Variants in DEPDC1B observed in about 807,000 individuals in gnomAD.
The protein encoded by DEPDC1B is DEP domain-containing protein 1B.
DEPDC1B carries 51 observed loss-of-function variants against 66.5 expected under a neutral mutation model. The observed-to-expected ratio is 0.77, with a 90% confidence interval of 0.61 to 0.97. The LOEUF (loss-of-function observed/expected upper bound fraction) is 0.97. Among genes scored for constraint, DEPDC1B ranks in the 50% least tolerant of loss-of-function variants. The probability of loss-of-function intolerance (pLI) is 0.00; values close to 1 mark genes in which losing one functional copy is unlikely to be tolerated. For missense variants in DEPDC1B, 552 were observed against 637.1 expected (o/e 0.87, Z 1.44); for synonymous variants, 226 against 223.6 (o/e 1.01, Z -0.10).
chr5:60,636,887 T>C, intron 7 of DEPDC1B, among the ~76,000 whole-genome samples: 1 of 152,110 alleles, frequency 6.6e-6, no homozygotes, highest in Middle Eastern at 3.2e-3. Context: ...AAAGATGATA[T>C]ATTAGAGGGC....
chr5:60,611,853 T>C (rs1490412679), intron 7 of DEPDC1B, among the ~76,000 whole-genome samples: 1 of 152,218 alleles, frequency 6.6e-6, no homozygotes, highest in African/African-American at 2.4e-5. Flanking sequence ...CAGCAAGGGT[T>C]AATGTAGAAG....
chr5:60,651,436 G>A (rs927417937), intron 2 of DEPDC1B, among the ~76,000 whole-genome samples: 3 of 151,748 alleles, frequency 2.0e-5, no homozygotes, highest in South Asian at 2.1e-4. Flanking sequence ...GCAAAGACAG[G>A]AGAATTGCCT....
At chr5:60,610,680 A>G (rs1442522580) in intron 7 of DEPDC1B, among the ~76,000 whole-genome samples, 2 of 152,230 alleles carry the variant, frequency 1.3e-5, no homozygotes, top group East Asian at 1.9e-4. Context: ...CATCATCCAC[A>G]TATTATGTTT....
Position 60,687,151 on chromosome 5 carries a change from T to A in DEPDC1B, c.125A>T (p.His42Leu). The change falls in exon 2 of 11, where the codon CAT (histidine) becomes CTT (leucine). Residue 42 changes from histidine (H) to leucine (L), a missense_variant. His to Leu is a moderately conservative substitution (Grantham distance 99). Transcript: ENST00000265036. ...CACAGCTTCGGCCGCTGTGAAACAA[T>A]GCTCATAGCTCTTGAAACGACAGCG... ...KHRCRFKSYE[H>L]CFTAAEAVDW... is the part of the protein sequence containing the mutation. 6.2e-7 allele frequency: 1 copy of A among 1,614,172 alleles called. No homozygotes were observed. The highest frequency in any genetic ancestry group is 8.5e-7 in the Non-Finnish European group (1 of 1,180,006).
At chr5:60,669,362 T>C (rs890805968) in intron 2 of DEPDC1B, among the ~76,000 whole-genome samples, 3 of 152,184 alleles carry the variant, frequency 2.0e-5, no homozygotes, top group Non-Finnish European at 4.4e-5. Context: ...TTGGCCAGCC[T>C]GCCTCCTTGC....
intron 8 of DEPDC1B, among the ~76,000 whole-genome samples, chr5:60,604,762 G>T (rs1434252063): frequency 6.6e-6 from 1 of 152,058 alleles, no homozygotes; most frequent in Non-Finnish European, 1.5e-5. Context: ...CTCTGTGATC[G>T]CCTTGAAACT....
rs551961890 is a variant in DEPDC1B, at chr5:60,625,964, T to G, written c.898+12786A>C. On this transcript the variant is annotated intron_variant, in intron 7 of 10. Transcript: ENST00000265036. ...GAGATACTATATTCTTTTTAACTCC[T>G]AAAGTCAAATTTAGTTATTTTTTCT... Among the ~76,000 whole-genome samples the G allele has an allele frequency of 3.3e-5, 5 of 152,298 alleles. No homozygotes were observed. The East Asian group carries it at 9.6e-4, about 29-fold the overall frequency.
chr5:60,676,026 C>T (rs1405877754), intron 2 of DEPDC1B, among the ~76,000 whole-genome samples: 2 of 151,510 alleles, frequency 1.3e-5, no homozygotes, highest in Non-Finnish European at 2.9e-5. Context: ...TTCCTGGGTT[C>T]ATGCCATTCT....
chr5:60,679,314 A>G (rs1281879516), intron 2 of DEPDC1B, among the ~76,000 whole-genome samples: 1 of 152,232 alleles, frequency 6.6e-6, no homozygotes, highest in Non-Finnish European at 1.5e-5. Context: ...ATACTAAGCC[A>G]TAAAACTGGG....
At chr5:60,602,173 A>G (rs1729316129) in intron 9 of DEPDC1B, among the ~76,000 whole-genome samples, 1 of 133,586 alleles carries the variant, frequency 7.5e-6, no homozygotes, top group South Asian at 2.8e-4. Context: ...GAGGGAAGGA[A>G]GGAAGGGAGG....
chr5:60,622,822 A>G (rs1584038755), intron 7 of DEPDC1B, among the ~76,000 whole-genome samples: 1 of 152,086 alleles, frequency 6.6e-6, no homozygotes, highest in East Asian at 1.9e-4. Flanking sequence ...TGAGTATTTC[A>G]TATATATTCT....
chr5:60,599,025 TA>T, intron 10 of DEPDC1B, 49 bp downstream of exon 10: 1 of 1,384,694 alleles, frequency 7.2e-7, no homozygotes, highest in Non-Finnish European at 9.7e-7. Flanking sequence ...AAAAAAAACA[TA>T]AAAACAGTAG....
chr5:60,612,994 C>T (rs1209974971), intron 7 of DEPDC1B, among the ~76,000 whole-genome samples: 3 of 152,200 alleles, frequency 2.0e-5, no homozygotes, highest in Non-Finnish European at 2.9e-5. Flanking sequence ...CACACAGGAG[C>T]AACATGCTAC....
At chr5:60,603,249 T>C in intron 9 of DEPDC1B, 142 bp downstream of exon 9, 2 of 649,322 alleles carry the variant, frequency 3.1e-6, no homozygotes, top group Non-Finnish European at 4.6e-6. Flanking sequence ...TGCAGGGGAT[T>C]ACTATGTGCC....
At chr5:60,647,692 C>A (rs569040868) in intron 2 of DEPDC1B, 159 bp from the exon 3 acceptor site, 5 of 600,034 alleles carry the variant, frequency 8.3e-6, no homozygotes, top group South Asian at 3.7e-5. Flanking sequence ...CTGCTCTATA[C>A]CATACCTGAT....
In DEPDC1B at chr5:60,603,658, G is replaced by C; in HGVS notation, c.1066-91C>G. The C allele has an allele frequency of 3.0e-6, 4 of 1,337,178 alleles. No individual in the cohort carries two copies. The South Asian group carries it at 6.1e-5, about 21-fold the overall frequency. 82.8% of individuals were successfully genotyped at this position (1,337,178 alleles called of 1,614,324 possible). ...TTTGCAAAAGGCAAATATGAGAAAT[G>C]GTCTAAGGCACAGGGTGCATATTCT... is the stretch of plus-strand genomic sequence containing the variant. On this transcript the variant is annotated intron_variant, in intron 8 of 10. Coordinates refer to ENST00000265036, the MANE Select transcript of DEPDC1B (RefSeq NM_018369.3).
rs375086322 is a variant in DEPDC1B at position 60,667,938 on chromosome 5, T to TAAAAAATGGATATTTTATATATATATAA, written c.314+19023_314+19024insTTATATATATATAAAATATCCATTTTTT. Among the ~76,000 whole-genome samples the TAAAAAATGGATATTTTATATATATATAA allele has an allele frequency of 7.0e-3, 252 of 36,254 alleles. 78 individuals carry two copies. The highest frequency in any genetic ancestry group is 0.035 in the East Asian group (20 of 578). 23.8% of individuals were successfully genotyped at this position (36,254 alleles called of 152,430 possible). A position where few individuals can be genotyped will look rare whatever the true frequency, so the allele number is the denominator to read the frequency against. Reference sequence around the variant, plus strand: ...AAAAAATGGATATTTTATATATATATAAAATGGATATTTTATATATATAAT... The same window carrying TAAAAAATGGATATTTTATATATATATAA: ...AAAAAATGGATATTTTATATATATATAAAAAATGGATATTTTATATATATATAAAAAATGGATATTTTATATATATAAT... On this transcript the variant is annotated intron_variant, in intron 2 of 10. Transcript: ENST00000265036.
At chr5:60,600,229 T>C (rs185872051) in intron 9 of DEPDC1B, among the ~76,000 whole-genome samples, 14 of 151,944 alleles carry the variant, frequency 9.2e-5, no homozygotes, top group Admixed American at 5.9e-4. Flanking sequence ...GAGAATCAAG[T>C]AAAACAACAA....
intron 8 of DEPDC1B, 70 bp downstream of exon 8, chr5:60,605,620 C>T (rs1355882808): frequency 6.6e-7 from 1 of 1,517,922 alleles, no homozygotes; most frequent in Admixed American, 2.0e-5. Flanking sequence ...TCTGATCACC[C>T]AAACTAATAC....
Sources: gnomAD v4.1 joint callset for allele counts (sites outside exome capture counted in the v4.1 genomes callset) on GRCh38, gnomAD v4.1.1 for gene constraint, MANE v1.5 for transcripts, NCBI Gene and HGNC (gene_info 2026-07-23, HGNC 2026-07-21) for gene names.